Variants in TENT4B observed in about 807,000 individuals in gnomAD.
The protein encoded by TENT4B is terminal nucleotidyltransferase 4B.
A neutral mutation model predicts 75.0 loss-of-function variants in TENT4B; 10 were observed. The observed-to-expected ratio is 0.13, with a 90% CI of 0.08 to 0.23. The LOEUF is 0.23. TENT4B is among the 10% of genes least tolerant of loss of function. The probability of loss-of-function intolerance (pLI) is 1.00; values close to 1 mark genes in which losing one functional copy is unlikely to be tolerated. For missense variants in TENT4B, 579 were observed against 893.8 expected, an observed-to-expected ratio of 0.65 and a Z score of 4.49; for synonymous variants, 350 against 357.7, an observed-to-expected ratio of 0.98 and a Z score of 0.24.
rs1462530918 is a variant in TENT4B at position 50,229,676 on chromosome 16, T to C, written c.*348T>C. 8.0e-6 allele frequency: 8 copies of C among 1,002,766 alleles called. No individual in the cohort carries two copies. Among genetic ancestry groups the C allele is most frequent in the Non-Finnish European group, 9.5e-6 (8 of 841,552 alleles). The allele number at this position is 1,002,766 out of a possible 1,614,324, so 62.1% of individuals were successfully genotyped here. A position where few individuals can be genotyped will look rare whatever the true frequency, so the allele number is the denominator to read the frequency against. On this transcript the variant is annotated 3_prime_UTR_variant, in exon 12 of 12. Coordinates refer to ENST00000561678, the MANE Select transcript of TENT4B (RefSeq NM_001365324.3). ...TATAGGGAATAGTATTCAGTGTTGG[T>C]AGGGTGATAGAAACAAAAAACAGTA... is the stretch of plus-strand genomic sequence containing the variant.
In TENT4B at chr16:50,230,409, G is replaced by T. The variant is rs959206935; in HGVS notation, c.*1081G>T. ...GCTTCTCTAACCCTGTGTGCTGCGT[G>T]TGCCTGTTTCTCATCTCTTATTCTT... On this transcript the variant is annotated 3_prime_UTR_variant, in exon 12 of 12. Coordinates refer to ENST00000561678, the MANE Select transcript of TENT4B (RefSeq NM_001365324.3). The T allele has an allele frequency of 2.0e-5, 20 of 985,206 alleles. 1 individual carries two copies. The South Asian group carries it at 8.9e-4, about 44-fold the overall frequency. 61.0% of individuals were successfully genotyped at this position (985,206 alleles called of 1,614,324 possible). A position where few individuals can be genotyped will look rare whatever the true frequency, so the allele number is the denominator to read the frequency against.
chr16:50,211,362 T>G lies in TENT4B; in HGVS notation c.678T>G (p.Ser226=). The G allele has an allele frequency of 1.2e-6, 2 of 1,606,862 alleles. No individual in the cohort carries two copies. The highest frequency in any genetic ancestry group is 2.2e-5 in the South Asian group (2 of 89,674). ...EEISDFYEYM[S]PRPEEEKMRM... ...TCAGTGATTTTTATGAATACATGTC[T>G]CCAAGACCTGAGGAGGAGAAGATGC... is the stretch of plus-strand genomic sequence containing the variant. Residue 226 remains serine, a synonymous_variant, in exon 2 of 12, where the codon TCT becomes TCG. Transcript: ENST00000561678.
At position 50,153,817 on chromosome 16, in the gene TENT4B, A is replaced by G; in HGVS notation, c.196A>G (p.Thr66Ala). 8.1e-7 allele frequency: 1 copy of G among 1,228,322 alleles called. No individual in the cohort carries two copies. The highest frequency in any genetic ancestry group is 1.0e-6 in the Non-Finnish European group (1 of 988,322). 76.1% of individuals were successfully genotyped at this position (1,228,322 alleles called of 1,614,324 possible). Reference protein sequence around the residue: ...STATGGSGSSTGSPGGAASAP... With the variant: ...STATGGSGSSAGSPGGAASAP... ...GGCCACCGGCGGGAGCGGCAGCAGC[A>G]CCGGCAGCCCCGGCGGCGCGGCCTC... The change falls in exon 1 of 12, where the codon ACC becomes GCC. Residue 66 changes from threonine (T) to alanine (A), a missense_variant. Around this residue, in one of 7 missense-constraint regions of TENT4B, gnomAD observed 253 missense variants for 270.1 expected, o/e 0.94. Coordinates refer to ENST00000561678, the MANE Select transcript of TENT4B (RefSeq NM_001365324.3).
In TENT4B at chr16:50,234,227, G is replaced by T. The variant is rs561213073; in HGVS notation, c.*4899G>T. The stretch of plus-strand genomic sequence containing the variant: ...CCAGCACTTTGGGAGGCCGAAGCGG[G>T]AGGATGGCTTGAGGCTGGGAGTTTG... On this transcript the variant is annotated 3_prime_UTR_variant, in exon 12 of 12. Coordinates refer to ENST00000561678, the MANE Select transcript of TENT4B (RefSeq NM_001365324.3). The T allele has an allele frequency of 5.6e-5, 55 of 985,698 alleles. No individual in the cohort carries two copies. In the African/African-American group the frequency reaches 8.9e-4, roughly 16 times the overall value. The allele number at this position is 985,698 out of a possible 1,614,324, so 61.1% of individuals were successfully genotyped here.
At chr16:50,160,973 G>T (rs2037993239) in intron 1 of TENT4B, among the ~76,000 whole-genome samples, 1 of 152,134 alleles carries the variant, frequency 6.6e-6, no homozygotes, top group South Asian at 2.1e-4. Flanking sequence ...CTTTTTTGAA[G>T]AATTAGAGAC....
intron 1 of TENT4B, among the ~76,000 whole-genome samples, chr16:50,179,047 G>A (rs937354273): frequency 2.6e-5 from 4 of 152,170 alleles, no homozygotes; most frequent in Non-Finnish European, 5.9e-5. Flanking sequence ...CAGTGAAAAG[G>A]TTAAAGAGTT....
intron 1 of TENT4B, among the ~76,000 whole-genome samples, chr16:50,174,952 A>G (rs2038277125): frequency 6.6e-6 from 1 of 151,950 alleles, no homozygotes; most frequent in East Asian, 1.9e-4. Context: ...CATCTTAGCC[A>G]GACTGGTCTT....
Position 50,234,097 on chromosome 16 carries a change from T to A in TENT4B, c.*4769T>A. 1 of 985,424 alleles carries A rather than the reference T, an allele frequency of 1.0e-6. No homozygotes were observed. Among genetic ancestry groups the A allele is most frequent in the Non-Finnish European group, 1.2e-6 (1 of 829,936 alleles). The allele number at this position is 985,424 out of a possible 1,614,324, so 61.0% of individuals were successfully genotyped here. On this transcript the variant is annotated 3_prime_UTR_variant, in exon 12 of 12. Coordinates refer to ENST00000561678, the MANE Select transcript of TENT4B (RefSeq NM_001365324.3). ...GTCTGGACGTATTTTGGGGGAATGT[T>A]ATTTATCTTAAAGATGCCTAGAAAC... is the stretch of plus-strand genomic sequence containing the variant.
At chr16:50,185,907 T>C (rs1301453824) in intron 1 of TENT4B, among the ~76,000 whole-genome samples, 1 of 152,216 alleles carries the variant, frequency 6.6e-6, no homozygotes, top group Admixed American at 6.5e-5. Context: ...ATTAGTACAC[T>C]ATTGTCTGTA....
intron 1 of TENT4B, among the ~76,000 whole-genome samples, chr16:50,171,398 T>C (rs1249827313): frequency 6.6e-6 from 1 of 151,924 alleles, no homozygotes; most frequent in Non-Finnish European, 1.5e-5. Flanking sequence ...GAGAAGTAAC[T>C]CTGGCTGTGG....
intron 1 of TENT4B, among the ~76,000 whole-genome samples, chr16:50,186,317 C>CT (rs1239031123): frequency 2.6e-5 from 4 of 151,692 alleles, no homozygotes; most frequent in Non-Finnish European, 5.9e-5. Context: ...TTGTTTCTGG[C>CT]TTTTTTTTCT....
intron 1 of TENT4B, among the ~76,000 whole-genome samples, chr16:50,154,522 A>C (rs1597211468): frequency 1.4e-5 from 2 of 141,612 alleles, no homozygotes; most frequent in African/African-American, 2.7e-5. Flanking sequence ...AACCGTCCAC[A>C]CCTTCCCCAG....
At chr16:50,176,595 C>T (rs1226335225) in intron 1 of TENT4B, among the ~76,000 whole-genome samples, 1 of 147,254 alleles carries the variant, frequency 6.8e-6, no homozygotes, top group African/African-American at 2.5e-5. Context: ...CAACCTCTGC[C>T]TCCCGGGTTC....
chr16:50,230,300 G>GAAAA lies in TENT4B; in HGVS notation c.*986_*989dup, dbSNP rs34413257. On this transcript the variant is annotated 3_prime_UTR_variant, in exon 12 of 12. Transcript: ENST00000561678. ...TTTTCCCCCCATTTCTTCCTAATAGGAAAAAAAAAAAAAAAAAGGTCACCC... is the reference window on the plus strand; with the variant it reads ...TTTTCCCCCCATTTCTTCCTAATAGGAAAAAAAAAAAAAAAAAAAAAGGTCACCC... The GAAAA allele has an allele frequency of 6.8e-4, 630 of 919,828 alleles. 3 individuals are homozygous for GAAAA. The African/African-American group carries it at 0.012, about 18-fold the overall frequency. 57.0% of individuals were successfully genotyped at this position (919,828 alleles called of 1,614,324 possible). A position where few individuals can be genotyped will look rare whatever the true frequency, so the allele number is the denominator to read the frequency against.
chr16:50,196,280 A>G (rs2030235120), intron 1 of TENT4B, among the ~76,000 whole-genome samples: 1 of 152,168 alleles, frequency 6.6e-6, no homozygotes. Flanking sequence ...CAATGGCAGT[A>G]TTAGATGTAT....
At chr16:50,165,103 A>G (rs930124600) in intron 1 of TENT4B, among the ~76,000 whole-genome samples, 1 of 152,050 alleles carries the variant, frequency 6.6e-6, no homozygotes, top group Non-Finnish European at 1.5e-5. Flanking sequence ...TTTCATTTCA[A>G]ATATATTTCT....
intron 5 of TENT4B, 119 bp downstream of exon 5, chr16:50,217,782 T>G (rs546451754): frequency 6.8e-4 from 18 of 26,522 alleles, no homozygotes; most frequent in African/African-American, 3.8e-3. Flanking sequence ...CTCTTTTAAA[T>G]AGAGCTAGGG....
intron 1 of TENT4B, among the ~76,000 whole-genome samples, chr16:50,170,444 A>G (rs113878639): frequency 6.6e-6 from 1 of 152,192 alleles, no homozygotes; most frequent in Non-Finnish European, 1.5e-5. Flanking sequence ...TTCCCCCAAG[A>G]TATCCCCCAA....
intron 2 of TENT4B, among the ~76,000 whole-genome samples, chr16:50,213,212 C>T (rs1448881133): frequency 1.3e-5 from 2 of 152,150 alleles, no homozygotes; most frequent in Non-Finnish European, 1.5e-5. Context: ...GCGCCCGTCA[C>T]CACACCTGGC....
Sources: gnomAD v4.1 joint callset for allele counts (sites outside exome capture counted in the v4.1 genomes callset) on GRCh38, gnomAD v4.1.1 for gene constraint, gnomAD v4.1.1 regional missense constraint, MANE v1.5 for transcripts, NCBI Gene and HGNC (gene_info 2026-07-23, HGNC 2026-07-21) for gene names.